ZC3HAV1: variants seen among roughly 807,000 people sequenced by gnomAD.
The protein encoded by ZC3HAV1 is zinc finger CCCH-type containing, antiviral 1.
In ZC3HAV1, 41 loss-of-function variants were observed where a neutral mutation model predicts 86.6. That is an observed-to-expected ratio of 0.47 (90% confidence interval 0.37 to 0.61). The LOEUF (loss-of-function observed/expected upper bound fraction) is 0.61, where lower values mean the gene tolerates loss of function less well. Among genes scored for constraint, ZC3HAV1 ranks in the 20% least tolerant of loss-of-function variants. The pLI, the probability that ZC3HAV1 is intolerant of heterozygous loss-of-function variation, is 0.00. For synonymous variants in ZC3HAV1, 421 were observed against 432.1 expected, an observed-to-expected ratio of 0.97 and a Z score of 0.32; for missense variants, 964 against 1,141.1, an observed-to-expected ratio of 0.84 and a Z score of 2.24.
intron 7 of ZC3HAV1, among the ~76,000 whole-genome samples, chr7:139,065,967 C>G (rs1816595745): frequency 6.6e-6 from 1 of 152,038 alleles, no homozygotes; most frequent in South Asian, 2.1e-4. Flanking sequence ...TCTCTAGTCT[C>G]AAAGCATATA....
At chr7:139,093,515 G>C (rs981790669) in intron 1 of ZC3HAV1, among the ~76,000 whole-genome samples, 10 of 152,210 alleles carry the variant, frequency 6.6e-5, no homozygotes, top group Non-Finnish European at 1.2e-4. Flanking sequence ...CACAAAAGAA[G>C]TGAAAATGGC....
chr7:139,108,657 T>TTTCC lies in ZC3HAV1; in HGVS notation c.308+363_308+366dup, dbSNP rs1200554082. Among the ~76,000 whole-genome samples the TTTCC allele has an allele frequency of 6.6e-6, 1 of 152,188 alleles. No homozygotes were observed. Among genetic ancestry groups the TTTCC allele is most frequent in the African/African-American group, 2.4e-5 (1 of 41,450 alleles). ...TCAAGATACCAAAGACGGGAGGCTC[T>TTTCC]TTCCTTCCTTCCCAAACCTGCCTAC... On this transcript the variant is annotated intron_variant, in intron 1 of 12. Transcript: ENST00000242351. The surrounding 1 kb of genome is among the most constrained non-coding windows in gnomAD (Gnocchi z 4.2).
At chr7:139,107,485 G>C (rs1817970176) in intron 1 of ZC3HAV1, among the ~76,000 whole-genome samples, 1 of 152,204 alleles carries the variant, frequency 6.6e-6, no homozygotes, top group Non-Finnish European at 1.5e-5. Context: ...AGTGACTGGA[G>C]TTTTTGTTAG....
chr7:139,070,312 A>G (rs1167459499), intron 7 of ZC3HAV1, among the ~76,000 whole-genome samples: 1 of 152,156 alleles, frequency 6.6e-6, no homozygotes. Context: ...ATAAAAATAA[A>G]TAAAATAAAA....
intron 1 of ZC3HAV1, among the ~76,000 whole-genome samples, 156 bp from the exon 2 acceptor site, chr7:139,089,915 AT>A (rs996422954): frequency 1.2e-3 from 180 of 151,882 alleles, no homozygotes; most frequent in African/African-American, 4.2e-3. Flanking sequence ...ATATTTATTT[AT>A]TTTTTTTACT....
intron 3 of ZC3HAV1, among the ~76,000 whole-genome samples, chr7:139,081,268 C>T (rs564247378): frequency 2.0e-5 from 3 of 151,238 alleles, no homozygotes; most frequent in Non-Finnish European, 4.4e-5. Flanking sequence ...CATGTGTGCT[C>T]GTGTGTGTGT....
At chr7:139,100,489 G>C (rs1434965984) in intron 1 of ZC3HAV1, among the ~76,000 whole-genome samples, 1 of 151,578 alleles carries the variant, frequency 6.6e-6, no homozygotes, top group Non-Finnish European at 1.5e-5. Flanking sequence ...AACCGAGATT[G>C]CACCACTGCA....
At chr7:139,097,638 G>C (rs911058069) in intron 1 of ZC3HAV1, among the ~76,000 whole-genome samples, 1 of 150,980 alleles carries the variant, frequency 6.6e-6, no homozygotes, top group African/African-American at 2.4e-5. Flanking sequence ...GTTTCACCGT[G>C]TTAGCCAGGA....
chr7:139,098,282 A>G (rs1376170360), intron 1 of ZC3HAV1, among the ~76,000 whole-genome samples: 1 of 152,182 alleles, frequency 6.6e-6, no homozygotes, highest in Non-Finnish European at 1.5e-5. Flanking sequence ...TGTAAATCAT[A>G]CCTCAATAAA....
At position 139,055,309 on chromosome 7, in the gene ZC3HAV1, G is replaced by C. The variant is rs776659439; in HGVS notation, c.2097-14C>G. On this transcript the variant is annotated splice_polypyrimidine_tract_variant and intron_variant, in intron 9 of 12. Coordinates refer to ENST00000242351, the MANE Select transcript of ZC3HAV1 (RefSeq NM_020119.4). ...GCTGGCTGATGGCTACAAATAAAGA[G>C]AAAGAATTCACTTAACTCTCTGCTC... The C allele has an allele frequency of 6.2e-7, 1 of 1,607,360 alleles. No homozygotes were observed.
rs79284778 is a variant in ZC3HAV1, at chr7:139,085,187, A to G, written c.445-1155T>C. Among the ~76,000 whole-genome samples the G allele has an allele frequency of 5.8e-3, 887 of 152,292 alleles. 23 individuals are homozygous for G. In the East Asian group the frequency reaches 0.084, roughly 15 times the overall value. Reference sequence around the variant, plus strand: ...GGTGGGGCCCAACAGTCTGTGTTTTAACAAACCTTCTGGATGATTCTGATG... The same window carrying G: ...GGTGGGGCCCAACAGTCTGTGTTTTGACAAACCTTCTGGATGATTCTGATG... On this transcript the variant is annotated intron_variant, in intron 2 of 12. Transcript: ENST00000242351.
rs1315932843 is a variant in ZC3HAV1 at position 139,084,043 on chromosome 7, G to C, written c.445-11C>G. The C allele has an allele frequency of 6.2e-7, 1 of 1,607,360 alleles. No individual in the cohort carries two copies. Among genetic ancestry groups the C allele is most frequent in the Admixed American group, 1.7e-5 (1 of 59,904 alleles). ...ATAACTTTTGCATATCTACAGAAGGGAGAAACAACAGCCAGAGTCAAAACA... is the reference window on the plus strand; with the variant it reads ...ATAACTTTTGCATATCTACAGAAGGCAGAAACAACAGCCAGAGTCAAAACA... On this transcript the variant is annotated splice_polypyrimidine_tract_variant and intron_variant, in intron 2 of 12. Coordinates refer to ENST00000242351, the MANE Select transcript of ZC3HAV1 (RefSeq NM_020119.4).
Position 139,108,592 on chromosome 7 carries a change from C to G in ZC3HAV1, c.308+432G>C, listed in dbSNP as rs550627266. Among the ~76,000 whole-genome samples, 255 of 152,334 alleles carry G rather than the reference C, an allele frequency of 1.7e-3. 1 individual carries two copies. Among genetic ancestry groups the G allele is most frequent in the African/African-American group, 6.0e-3 (251 of 41,588 alleles). ...GCCCAGGGCGGCTGGGTTACTGGCT[C>G]CGCCACGTCTAGGGAAGGAGGTAGT... On this transcript the variant is annotated intron_variant, in intron 1 of 12. Coordinates refer to ENST00000242351, the MANE Select transcript of ZC3HAV1 (RefSeq NM_020119.4). This position sits in a 1 kb window ranked among gnomAD's most constrained non-coding sequence, Gnocchi z 4.2.
chr7:139,079,404 G>C, intron 4 of ZC3HAV1, 66 bp downstream of exon 4: 1 of 1,612,606 alleles, frequency 6.2e-7, no homozygotes, highest in Non-Finnish European at 8.5e-7. Context: ...TCCACTACTT[G>C]ACTAGAGCCA....
intron 4 of ZC3HAV1, chr7:139,079,016 T>A: frequency 6.7e-7 from 1 of 1,490,972 alleles, no homozygotes; most frequent in East Asian, 2.5e-5. Context: ...CTTTAAGAAC[T>A]GGGGAACATC....
intron 1 of ZC3HAV1, among the ~76,000 whole-genome samples, chr7:139,103,942 G>C (rs929825976): frequency 6.6e-6 from 1 of 152,058 alleles, no homozygotes; most frequent in Admixed American, 6.6e-5. Context: ...ATAAAATCAT[G>C]GAAGGACAAG....
rs575240611 is a variant in ZC3HAV1 at position 139,088,642 on chromosome 7, T to C, written c.444+982A>G. 3.3e-5 allele frequency among the ~76,000 whole-genome samples: 5 copies of C among 152,282 alleles called. No homozygotes were observed. The East Asian group carries it at 9.6e-4, about 29-fold the overall frequency. On this transcript the variant is annotated intron_variant, in intron 2 of 12. Transcript: ENST00000242351. ...ACAACTCAGGCTACCCCCCTGTCCA[T>C]ATGCAGGAAAGACCAAGAGTTGGCA... is the stretch of plus-strand genomic sequence containing the variant.
chr7:139,094,991 T>G (rs190196048), intron 1 of ZC3HAV1, among the ~76,000 whole-genome samples: 1 of 152,058 alleles, frequency 6.6e-6, no homozygotes, highest in Middle Eastern at 3.4e-3. Context: ...TTTTTTTTTT[T>G]TTTTTGGACA....
intron 3 of ZC3HAV1, among the ~76,000 whole-genome samples, chr7:139,081,629 C>T (rs1817131164): frequency 6.6e-6 from 1 of 152,182 alleles, no homozygotes; most frequent in South Asian, 2.1e-4. Flanking sequence ...TTACATTATC[C>T]TTCATTCTTC....
Sources: gnomAD v4.1 joint callset for allele counts (sites outside exome capture counted in the v4.1 genomes callset) on GRCh38, gnomAD v4.1.1 for gene constraint, Gnocchi (gnomAD v3.1) non-coding constraint, MANE v1.5 for transcripts, NCBI Gene and HGNC (gene_info 2026-07-23, HGNC 2026-07-21) for gene names.